Variants in MDGA2 observed in about 807,000 individuals in gnomAD.
The protein encoded by MDGA2 is MAM domain containing glycosylphosphatidylinositol anchor 2.
In MDGA2, 40 loss-of-function variants were observed where a neutral mutation model predicts 117.8. That is an observed-to-expected ratio of 0.34 (90% CI 0.26 to 0.44). The LOEUF (loss-of-function observed/expected upper bound fraction) is 0.44. Among genes scored for constraint, MDGA2 ranks in the 20% least tolerant of loss-of-function variants. The pLI, the probability that MDGA2 is intolerant of heterozygous loss-of-function variation, is 1.00. For synonymous variants in MDGA2, 452 were observed against 439.0 expected, an observed-to-expected ratio of 1.03 and a Z score of -0.37; for missense variants, 1,123 against 1,250.6, an observed-to-expected ratio of 0.90 and a Z score of 1.54.
At chr14:47,541,582 C>T (rs1405374542) in intron 1 of MDGA2, among the ~76,000 whole-genome samples, 2 of 152,154 alleles carry the variant, frequency 1.3e-5, no homozygotes, top group African/African-American at 2.4e-5. Context: ...TTCTTTCAGC[C>T]TTTTCTGCCA....
chr14:47,503,310 TAAA>T (rs34858743), intron 1 of MDGA2, among the ~76,000 whole-genome samples: 1 of 142,110 alleles, frequency 7.0e-6, no homozygotes. Flanking sequence ...TTAGGTATCA[TAAA>T]AAAAAAAAGG....
chr14:47,281,734 G>A (rs561341309), intron 2 of MDGA2, among the ~76,000 whole-genome samples: 33 of 152,182 alleles, frequency 2.2e-4, no homozygotes, highest in African/African-American at 7.0e-4. Context: ...AATTTCTTCA[G>A]TATGTATTAA....
At chr14:47,121,553 A>AT (rs1290672983) in intron 5 of MDGA2, among the ~76,000 whole-genome samples, 1 of 152,142 alleles carries the variant, frequency 6.6e-6, no homozygotes, top group Non-Finnish European at 1.5e-5. Flanking sequence ...AAAAAGGAAA[A>AT]TTGATGAGCT....
intron 6 of MDGA2, among the ~76,000 whole-genome samples, chr14:47,065,607 G>A (rs948955880): frequency 6.6e-5 from 10 of 152,112 alleles, no homozygotes; most frequent in African/African-American, 2.4e-4. Flanking sequence ...AAATTATAAC[G>A]TACATTGTTT....
chr14:47,266,206 C>G (rs747073929), intron 2 of MDGA2, among the ~76,000 whole-genome samples: 2 of 152,176 alleles, frequency 1.3e-5, no homozygotes, highest in African/African-American at 2.4e-5. Flanking sequence ...CAAGCCCATT[C>G]TTTATTCCAG....
At chr14:47,180,668 G>T (rs1207497827) in intron 3 of MDGA2, among the ~76,000 whole-genome samples, 1 of 152,024 alleles carries the variant, frequency 6.6e-6, no homozygotes. Context: ...TTAAAGTCAC[G>T]CCTATAATCC....
chr14:47,371,439 G>A (rs1274629381), intron 1 of MDGA2, among the ~76,000 whole-genome samples: 1 of 151,644 alleles, frequency 6.6e-6, no homozygotes, highest in Non-Finnish European at 1.5e-5. Context: ...TTCAAGACAT[G>A]ATTTAATATA....
chr14:47,450,789 T>C (rs1250938186), intron 1 of MDGA2, among the ~76,000 whole-genome samples: 1 of 152,106 alleles, frequency 6.6e-6, no homozygotes. Context: ...TGGTGAGTAG[T>C]TTAATTTTTT....
At chr14:47,331,759 TC>T (rs1890298896) in intron 1 of MDGA2, among the ~76,000 whole-genome samples, 1 of 152,090 alleles carries the variant, frequency 6.6e-6, no homozygotes, top group African/African-American at 2.4e-5. Flanking sequence ...TATTTTGCAC[TC>T]ACTTATTAGT....
intron 1 of MDGA2, among the ~76,000 whole-genome samples, chr14:47,549,343 A>ATCTCTCTCTATCTCTCTCTCTC (rs1895532146): frequency 7.1e-6 from 1 of 140,112 alleles, no homozygotes; most frequent in Admixed American, 7.1e-5. Context: ...CACCAGTATT[A>ATCTCTCTCTATCTCTCTCTCTC]TCTCTCTCTC....
rs530811703 is a variant in MDGA2, at chr14:47,263,430, T to C, written c.420+37981A>G. ...TTTTTCAAGCTTCTCTTAGAAAATA[T>C]GTGATTTATATTTTCTGGCTGAAGG... On this transcript the variant is annotated intron_variant, in intron 2 of 16. Transcript: ENST00000399232. 9.9e-5 allele frequency among the ~76,000 whole-genome samples: 15 copies of C among 152,212 alleles called. No individual in the cohort carries two copies. The East Asian group carries it at 2.3e-3, about 24-fold the overall frequency.
intron 3 of MDGA2, among the ~76,000 whole-genome samples, chr14:47,165,321 C>T (rs1274288845): frequency 1.3e-5 from 2 of 152,154 alleles, no homozygotes; most frequent in African/African-American, 2.4e-5. Context: ...TTGTAAAAGA[C>T]CTGTGAAGTT....
At chr14:46,990,127 G>T (rs1418183833) in intron 8 of MDGA2, among the ~76,000 whole-genome samples, 1 of 151,900 alleles carries the variant, frequency 6.6e-6, no homozygotes, top group Non-Finnish European at 1.5e-5. Flanking sequence ...ATTTCCCTTA[G>T]GTTTCAATTT....
intron 1 of MDGA2, among the ~76,000 whole-genome samples, chr14:47,346,246 A>C (rs1236412271): frequency 6.6e-6 from 1 of 152,154 alleles, no homozygotes; most frequent in East Asian, 1.9e-4. Flanking sequence ...AAAAATTTAA[A>C]AACAAAACAA....
chr14:47,317,081 C>A (rs137915129), intron 1 of MDGA2, among the ~76,000 whole-genome samples: 30 of 152,210 alleles, frequency 2.0e-4, no homozygotes, highest in African/African-American at 6.7e-4. Flanking sequence ...CAAACTATGA[C>A]AGCAAATTAA....
chr14:47,642,354 GAACA>G (rs1197274377), intron 1 of MDGA2, among the ~76,000 whole-genome samples: 1 of 152,026 alleles, frequency 6.6e-6, no homozygotes, highest in African/African-American at 2.4e-5. Flanking sequence ...TCTTTATGCT[GAACA>G]AATATGTATA....
At chr14:47,082,221 A>G (rs1455128672) in intron 6 of MDGA2, among the ~76,000 whole-genome samples, 1 of 151,900 alleles carries the variant, frequency 6.6e-6, no homozygotes, top group Non-Finnish European at 1.5e-5. Context: ...CAGCTGATCA[A>G]CACTCCCATA....
chr14:47,396,184 A>T (rs910478963), intron 1 of MDGA2, among the ~76,000 whole-genome samples: 1 of 151,820 alleles, frequency 6.6e-6, no homozygotes, highest in Non-Finnish European at 1.5e-5. Context: ...GAGGAATTTT[A>T]TTTTTTTTCT....
At chr14:47,409,867 G>A (rs1382222354) in intron 1 of MDGA2, among the ~76,000 whole-genome samples, 1 of 152,008 alleles carries the variant, frequency 6.6e-6, no homozygotes, top group Non-Finnish European at 1.5e-5. Flanking sequence ...AAGAAACAGC[G>A]TGGACCAATT....
Sources: gnomAD v4.1 joint callset for allele counts (sites outside exome capture counted in the v4.1 genomes callset) on GRCh38, gnomAD v4.1.1 for gene constraint, MANE v1.5 for transcripts, NCBI Gene and HGNC (gene_info 2026-07-23, HGNC 2026-07-21) for gene names.